The following RIPOR2 variants were observed in gnomAD, a reference collection of about 807,000 sequenced individuals.
RIPOR2 encodes rho family-interacting cell polarization regulator 2.
RIPOR2 carries 39 observed loss-of-function variants against 114.5 expected under a neutral mutation model. The ratio of observed to expected loss-of-function variants is 0.34; its 90% confidence interval spans 0.26 to 0.44. The LOEUF (loss-of-function observed/expected upper bound fraction) is 0.44. RIPOR2 is among the 20% of genes least tolerant of loss of function. The pLI is 1.00. For synonymous variants in RIPOR2, 445 were observed against 484.4 expected (o/e 0.92, Z 1.07); for missense variants, 1,007 against 1,255.1 (o/e 0.80, Z 2.99).
intron 1 of RIPOR2, among the ~76,000 whole-genome samples, chr6:24,975,028 GT>G (rs1561819207): frequency 2.0e-5 from 3 of 152,178 alleles, no homozygotes; most frequent in African/African-American, 7.2e-5. Context: ...TGGGTATGGG[GT>G]TTCTTTTAAT....
In RIPOR2 at chr6:24,945,850, T is replaced by C. The variant is rs556878963; in HGVS notation, c.77-70033A>G. ...ATACCTCTATAAAAAATTTCTTTTA[T>C]TCTCGTTTATTTTCTTATGTGAACT... is the stretch of plus-strand genomic sequence containing the variant. On this transcript the variant is annotated intron_variant, in intron 1 of 13. Coordinates refer to the RIPOR2 transcript ENST00000510784. 5.9e-5 allele frequency among the ~76,000 whole-genome samples: 9 copies of C among 152,232 alleles called. No homozygotes were observed. In the South Asian group the frequency reaches 1.2e-3, roughly 21 times the overall value.
intron 1 of RIPOR2, among the ~76,000 whole-genome samples, chr6:25,032,200 T>C (rs1380044048): frequency 6.6e-6 from 1 of 151,918 alleles, no homozygotes; most frequent in Non-Finnish European, 1.5e-5. Flanking sequence ...TTTTTTTTTT[T>C]CACTTGCTTG....
intron 13 of RIPOR2, chr6:24,840,241 C>A (rs1210061403): frequency 2.0e-6 from 2 of 1,013,380 alleles, no homozygotes; most frequent in African/African-American, 3.5e-5. Context: ...ACCGCACCTG[C>A]TCACAGCATA....
At chr6:24,896,962 T>C (rs1349172143) in intron 1 of RIPOR2, among the ~76,000 whole-genome samples, 3 of 152,142 alleles carry the variant, frequency 2.0e-5, no homozygotes, top group Non-Finnish European at 4.4e-5. Context: ...GATCCCAGGG[T>C]ATTTTACCAC....
intron 1 of RIPOR2, among the ~76,000 whole-genome samples, chr6:24,906,552 C>T (rs1370092870): frequency 6.6e-6 from 1 of 152,148 alleles, no homozygotes; most frequent in African/African-American, 2.4e-5. Context: ...ATGGGGCAAA[C>T]CAGGACATCC....
intron 1 of RIPOR2, among the ~76,000 whole-genome samples, chr6:24,926,127 T>G (rs751275628): frequency 6.6e-6 from 1 of 152,258 alleles, no homozygotes; most frequent in Non-Finnish European, 1.5e-5. Context: ...ATTAAAGTTT[T>G]CAGTGGGTGT....
chr6:24,943,273 T>C lies in RIPOR2; in HGVS notation c.77-67456A>G, dbSNP rs553953046. Among the ~76,000 whole-genome samples the C allele has an allele frequency of 7.0e-4, 107 of 152,208 alleles. 1 individual carries two copies. The highest frequency in any genetic ancestry group is 1.3e-3 in the Non-Finnish European group (91 of 68,020). ...ATCAAATACTGCATGTTCTCACTCATAGGTGGGAACTGAACAATGAGAACA... is the reference window on the plus strand; with the variant it reads ...ATCAAATACTGCATGTTCTCACTCACAGGTGGGAACTGAACAATGAGAACA... On this transcript the variant is annotated intron_variant, in intron 1 of 13. Transcript: ENST00000510784.
chr6:24,868,958 G>A, intron 6 of RIPOR2, 136 bp downstream of exon 6: 1 of 541,150 alleles, frequency 1.8e-6, no homozygotes, highest in Non-Finnish European at 3.4e-6. Flanking sequence ...CCCACTTGAT[G>A]ACGTAATTGC....
chr6:24,936,146 C>T (rs992882653), upstream of RIPOR2: 7 of 442,880 alleles, frequency 1.6e-5, no homozygotes, highest in South Asian at 6.7e-5. Context: ...GCTGCAGATC[C>T]GGTTGGATAT....
At chr6:24,939,469 A>G (rs1418516341), upstream of RIPOR2, among the ~76,000 whole-genome samples, 1 of 152,188 alleles carries the variant, frequency 6.6e-6, no homozygotes, top group Non-Finnish European at 1.5e-5. Context: ...CAAGATGGGA[A>G]ATAAAACACC....
rs151067857 is a variant in RIPOR2, at chr6:24,843,267, T to C, written c.1452A>G (p.Pro484=). ...EPKSHLKEED[P]EEPRKPASAP... ...CCGAGGCAGGTTTTCTGGGCTCCTC[T>C]GGGTCTTCCTCCTTCAGGTGTGACT... is the stretch of plus-strand genomic sequence containing the variant. The change falls in exon 13 of 22, where the codon CCA becomes CCG. Residue 484 remains proline, a synonymous_variant. Transcript: ENST00000643898. The C allele has an allele frequency of 7.4e-4, 1,187 of 1,614,018 alleles. 4 individuals carry two copies. In the African/African-American group the frequency reaches 0.013, roughly 17 times the overall value.
intron 19 of RIPOR2, among the ~76,000 whole-genome samples, chr6:24,824,375 T>C (rs1294345645): frequency 6.6e-6 from 1 of 152,216 alleles, no homozygotes; most frequent in Non-Finnish European, 1.5e-5. Flanking sequence ...CCATTACATA[T>C]TAGCTTAGGC....
intron 1 of RIPOR2, among the ~76,000 whole-genome samples, chr6:24,900,494 C>T (rs1304372202): frequency 2.0e-5 from 3 of 152,146 alleles, no homozygotes; most frequent in Non-Finnish European, 2.9e-5. Flanking sequence ...CGTGGTGGCT[C>T]CCACCTGTAA....
intron 1 of RIPOR2, 63 bp downstream of exon 1, chr6:24,935,775 T>A (rs1771766494): frequency 2.9e-5 from 35 of 1,186,978 alleles, no homozygotes; most frequent in Non-Finnish European, 4.0e-5. Flanking sequence ...GGCAAAAGTG[T>A]CCAGTGGTGT....
chr6:24,896,963 A>AT (rs576795863), intron 1 of RIPOR2, among the ~76,000 whole-genome samples: 71 of 152,312 alleles, frequency 4.7e-4, no homozygotes, highest in Non-Finnish European at 6.6e-4. Context: ...ATCCCAGGGT[A>AT]TTTTACCACC....
chr6:24,829,336 A>T lies in RIPOR2; in HGVS notation c.2507-1041T>A, dbSNP rs180971441. Among the ~76,000 whole-genome samples, 494 of 151,288 alleles carry T rather than the reference A, an allele frequency of 3.3e-3. 4 individuals carry two copies. The highest frequency in any genetic ancestry group is 9.6e-3 in the African/African-American group (396 of 41,230). On this transcript the variant is annotated intron_variant, in intron 17 of 21. Transcript: ENST00000643898. Reference sequence around the variant, plus strand: ...CTCAAAATAAATAAATTAATTAATTAAAAAAAATTGCTGGCCCAGTGTAGT... The same window carrying T: ...CTCAAAATAAATAAATTAATTAATTTAAAAAAATTGCTGGCCCAGTGTAGT...
chr6:24,946,533 A>T (rs1246582250), intron 1 of RIPOR2, among the ~76,000 whole-genome samples: 1 of 152,060 alleles, frequency 6.6e-6, no homozygotes, highest in Admixed American at 6.5e-5. Context: ...AGATCGCACC[A>T]CTGCACTCCA....
At chr6:24,953,095 A>G (rs867661981) in intron 1 of RIPOR2, among the ~76,000 whole-genome samples, 4 of 152,122 alleles carry the variant, frequency 2.6e-5, no homozygotes, top group Non-Finnish European at 5.9e-5. Context: ...GCACTTTGGG[A>G]GGTCAAAGCG....
chr6:24,999,940 C>T (rs1374540049), intron 1 of RIPOR2, among the ~76,000 whole-genome samples: 1 of 152,178 alleles, frequency 6.6e-6, no homozygotes, highest in African/African-American at 2.4e-5. Flanking sequence ...TGTTTGGGGA[C>T]CTCTCTGAGC....
Sources: allele counts gnomAD v4.1 joint callset (sites outside exome capture counted in the v4.1 genomes callset), GRCh38; gene constraint gnomAD v4.1.1; transcripts MANE v1.5; gene names NCBI Gene and HGNC (gene_info 2026-07-23, HGNC 2026-07-21).